The following PTPRD variants were observed in gnomAD, a reference collection of about 807,000 sequenced individuals.
PTPRD encodes the protein protein tyrosine phosphatase receptor type D, also known as receptor-type tyrosine-protein phosphatase delta.
In PTPRD, 34 loss-of-function variants were observed where a neutral mutation model predicts 214.5. The ratio of observed to expected loss-of-function variants is 0.16; its 90% CI spans 0.12 to 0.21. The LOEUF (loss-of-function observed/expected upper bound fraction) is 0.21, where lower values mean the gene tolerates loss of function less well. Among genes scored for constraint, PTPRD ranks in the 10% least tolerant of loss-of-function variants. The pLI, the probability that PTPRD is intolerant of heterozygous loss-of-function variation, is 1.00. For missense variants in PTPRD, 2,545 were observed against 2,398.7 expected (o/e 1.06, Z -1.27); for synonymous variants, 1,128 against 845.7 (o/e 1.33, Z -5.79).
chr9:9,182,222 C>A lies in PTPRD; in HGVS notation c.-143+1082G>T, dbSNP rs545954783. On this transcript the variant is annotated intron_variant, in intron 10 of 45. Coordinates refer to ENST00000381196, the MANE Select transcript of PTPRD (RefSeq NM_002839.4). ...ATCATCTTATTTGACTTCAGTGGTA[C>A]TGTGATTTCTGAAGGACCTTTGTGT... Among the ~76,000 whole-genome samples the A allele has an allele frequency of 9.2e-5, 14 of 152,092 alleles. No homozygotes were observed. The East Asian group carries it at 2.7e-3, about 29-fold the overall frequency.
chr9:10,365,865 T>C lies in PTPRD; in HGVS notation c.-599-24848A>G, dbSNP rs548745022. Reference sequence around the variant, plus strand: ...TTCTCCGATTTGGATGGAAAATATTTGTAGAAAGCACAGCAATGAGAGTAA... The same window carrying C: ...TTCTCCGATTTGGATGGAAAATATTCGTAGAAAGCACAGCAATGAGAGTAA... On this transcript the variant is annotated intron_variant, in intron 2 of 45. Coordinates refer to ENST00000381196, the MANE Select transcript of PTPRD (RefSeq NM_002839.4). Among the ~76,000 whole-genome samples, 10 of 152,328 alleles carry C rather than the reference T, an allele frequency of 6.6e-5. No individual in the cohort carries two copies. The East Asian group carries it at 1.7e-3, about 26-fold the overall frequency.
chr9:8,693,034 G>A (rs555065153), intron 12 of PTPRD, among the ~76,000 whole-genome samples: 4 of 152,294 alleles, frequency 2.6e-5, no homozygotes, highest in African/African-American at 9.6e-5. Context: ...TCTGAGGTAT[G>A]TTATTAAAAA....
chr9:10,096,307 T>C (rs2098483711), intron 3 of PTPRD, among the ~76,000 whole-genome samples: 1 of 151,720 alleles, frequency 6.6e-6, no homozygotes, highest in Non-Finnish European at 1.5e-5. Context: ...ACCAAAGTGG[T>C]GTGAAACATT....
intron 7 of PTPRD, among the ~76,000 whole-genome samples, chr9:9,644,680 T>G (rs2096085527): frequency 6.6e-6 from 1 of 151,090 alleles, no homozygotes. Flanking sequence ...ATGAGAACAG[T>G]TATCCCCATT....
intron 39 of PTPRD, among the ~76,000 whole-genome samples, chr9:8,349,458 A>C (rs559868023): frequency 3.3e-5 from 5 of 152,254 alleles, no homozygotes; most frequent in African/African-American, 7.2e-5. Context: ...CTAAAAGCAA[A>C]TGCATTTTTC....
chr9:8,817,468 C>CT, intron 11 of PTPRD, among the ~76,000 whole-genome samples: 1 of 152,098 alleles, frequency 6.6e-6, no homozygotes, highest in South Asian at 2.1e-4. Flanking sequence ...AATTGTTTTT[C>CT]TTTTTTTAAT....
At chr9:10,392,701 A>G (rs183234527) in intron 2 of PTPRD, among the ~76,000 whole-genome samples, 57 of 151,944 alleles carry the variant, frequency 3.8e-4, no homozygotes, top group Admixed American at 1.6e-3. Context: ...CTGCCAGAAT[A>G]TTATGTCTTA....
At chr9:9,124,854 T>C (rs571245273) in intron 10 of PTPRD, among the ~76,000 whole-genome samples, 72 of 152,280 alleles carry the variant, frequency 4.7e-4, no homozygotes, top group Middle Eastern at 6.8e-3. Flanking sequence ...GATGTTAAAA[T>C]TGTTGCAAAA....
At chr9:10,599,554 C>A (rs10959193) in intron 2 of PTPRD, among the ~76,000 whole-genome samples, 49,937 of 151,324 alleles carry the variant, frequency 0.33, 8,856 homozygotes, top group East Asian at 0.5. Flanking sequence ...AATTCTTAGA[C>A]TGGCTATTCT....
chr9:9,828,574 C>T (rs2053771869), intron 5 of PTPRD, among the ~76,000 whole-genome samples: 1 of 151,972 alleles, frequency 6.6e-6, no homozygotes, highest in African/African-American at 2.4e-5. Context: ...ATGGGTGAAG[C>T]ACACCAACAG....
At chr9:10,241,703 G>GT (rs1595116038) in intron 3 of PTPRD, among the ~76,000 whole-genome samples, 2 of 151,856 alleles carry the variant, frequency 1.3e-5, no homozygotes, top group African/African-American at 4.8e-5. Flanking sequence ...TGGAGGAACG[G>GT]TTATTATAAA....
chr9:9,172,816 A>C (rs1223929492), intron 10 of PTPRD, among the ~76,000 whole-genome samples: 1 of 152,080 alleles, frequency 6.6e-6, no homozygotes, highest in Non-Finnish European at 1.5e-5. Context: ...ACTTGCCTGC[A>C]TTATTCCAAT....
intron 39 of PTPRD, among the ~76,000 whole-genome samples, chr9:8,373,328 T>C (rs2082098125): frequency 6.6e-6 from 1 of 152,000 alleles, no homozygotes. Context: ...GGCCAAAACT[T>C]CTTACCAGAC....
At chr9:10,258,293 G>A (rs2093435333) in intron 3 of PTPRD, among the ~76,000 whole-genome samples, 1 of 152,136 alleles carries the variant, frequency 6.6e-6, no homozygotes, top group South Asian at 2.1e-4. Flanking sequence ...CCCGTGCATG[G>A]TCATGGGAGC....
intron 11 of PTPRD, among the ~76,000 whole-genome samples, chr9:8,912,480 C>A (rs2098754931): frequency 6.6e-6 from 1 of 152,070 alleles, no homozygotes; most frequent in African/African-American, 2.4e-5. Flanking sequence ...GAAAACAGAT[C>A]TGAGGTTGTC....
At chr9:9,103,300 T>C (rs1246608036) in intron 10 of PTPRD, among the ~76,000 whole-genome samples, 3 of 151,150 alleles carry the variant, frequency 2.0e-5, no homozygotes, top group Admixed American at 2.0e-4. Context: ...TTTTTGTTTG[T>C]TTTTTTTTCC....
chr9:9,596,892 C>G (rs910267234), intron 7 of PTPRD, among the ~76,000 whole-genome samples: 3 of 152,002 alleles, frequency 2.0e-5, no homozygotes, highest in Non-Finnish European at 4.4e-5. Context: ...TCACACAAAT[C>G]AGTATACAAA....
chr9:8,618,327 A>C (rs1332869153), intron 14 of PTPRD, among the ~76,000 whole-genome samples: 1 of 152,142 alleles, frequency 6.6e-6, no homozygotes, highest in Non-Finnish European at 1.5e-5. Flanking sequence ...TGAAGACCAC[A>C]TAGGTAAAGG....
intron 5 of PTPRD, among the ~76,000 whole-genome samples, chr9:9,821,554 T>G (rs182207016): frequency 7.8e-4 from 118 of 152,252 alleles, no homozygotes; most frequent in African/African-American, 2.6e-3. Flanking sequence ...ATATATAAGA[T>G]ATAGATAAAT....
Sources: allele counts gnomAD v4.1 joint callset (sites outside exome capture counted in the v4.1 genomes callset), GRCh38; gene constraint gnomAD v4.1.1; transcripts MANE v1.5; gene names NCBI Gene and HGNC (gene_info 2026-07-23, HGNC 2026-07-21).